The following SSBP2 variants were observed in gnomAD, a reference collection of about 807,000 sequenced individuals.
SSBP2 encodes the protein single-stranded DNA-binding protein 2.
SSBP2 carries 17 observed loss-of-function variants against 61.8 expected under a neutral mutation model. The ratio of observed to expected loss-of-function variants is 0.28; its 90% CI spans 0.19 to 0.41. The LOEUF (loss-of-function observed/expected upper bound fraction) is 0.41. Ranked by LOEUF, SSBP2 falls within the 10% of genes least tolerant of loss-of-function variation. The pLI, the probability that SSBP2 is intolerant of heterozygous loss-of-function variation, is 1.00. For missense variants in SSBP2, 310 were observed against 458.7 expected (o/e 0.68, Z 2.96); for synonymous variants, 139 against 141.3 (o/e 0.98, Z 0.12).
chr5:81,670,137 A>G (rs971801559), intron 1 of SSBP2, among the ~76,000 whole-genome samples: 7 of 152,186 alleles, frequency 4.6e-5, no homozygotes, highest in African/African-American at 1.7e-4. Flanking sequence ...CACCACCAAC[A>G]GAGAACCCTA....
intron 1 of SSBP2, among the ~76,000 whole-genome samples, chr5:81,659,670 A>G (rs1329825014): frequency 1.3e-5 from 2 of 152,196 alleles, no homozygotes; most frequent in Non-Finnish European, 2.9e-5. Flanking sequence ...ACTACTTTAA[A>G]TTTTATATGG....
chr5:81,503,803 A>G lies in SSBP2; in HGVS notation c.372+9825T>C, dbSNP rs532257658. 6.6e-5 allele frequency among the ~76,000 whole-genome samples: 10 copies of G among 152,338 alleles called. No individual in the cohort carries two copies. In the East Asian group the frequency reaches 1.9e-3, roughly 29 times the overall value. ...TACCATGAAATACTATGCAGCCATTAAAAAGAAAGAATGAGATCATGTCTT... is the reference window on the plus strand; with the variant it reads ...TACCATGAAATACTATGCAGCCATTGAAAAGAAAGAATGAGATCATGTCTT... On this transcript the variant is annotated intron_variant, in intron 5 of 16. Coordinates refer to ENST00000320672, the MANE Select transcript of SSBP2 (RefSeq NM_012446.5).
intron 4 of SSBP2, among the ~76,000 whole-genome samples, chr5:81,580,262 T>C (rs1323244506): frequency 6.6e-6 from 1 of 152,040 alleles, no homozygotes; most frequent in South Asian, 2.1e-4. Flanking sequence ...TTCAGAGATA[T>C]CAATCTAACT....
At chr5:81,722,513 T>C (rs1755605695) in intron 1 of SSBP2, among the ~76,000 whole-genome samples, 1 of 151,912 alleles carries the variant, frequency 6.6e-6, no homozygotes, top group African/African-American at 2.4e-5. Context: ...AGCATTCTTT[T>C]ACAAGAATGG....
At chr5:81,717,331 A>G (rs140936905) in intron 1 of SSBP2, among the ~76,000 whole-genome samples, 90 of 152,288 alleles carry the variant, frequency 5.9e-4, no homozygotes, top group African/African-American at 2.0e-3. Context: ...TCTATCCGTA[A>G]CATATTCTAT....
intron 4 of SSBP2, among the ~76,000 whole-genome samples, chr5:81,554,790 G>T (rs1378714349): frequency 2.0e-5 from 3 of 152,012 alleles, no homozygotes; most frequent in Admixed American, 2.0e-4. Context: ...AACTGATTTG[G>T]TCATTATAGA....
intron 1 of SSBP2, among the ~76,000 whole-genome samples, chr5:81,706,330 A>G (rs1180237670): frequency 1.3e-5 from 2 of 152,122 alleles, no homozygotes; most frequent in African/African-American, 4.8e-5. Context: ...GGGGTCTTCT[A>G]GAGGGGAGAG....
At chr5:81,699,359 T>C (rs1187006322) in intron 1 of SSBP2, among the ~76,000 whole-genome samples, 1 of 152,264 alleles carries the variant, frequency 6.6e-6, no homozygotes, top group African/African-American at 2.4e-5. Context: ...AGAACTTCTT[T>C]CAAAATTGGA....
At chr5:81,486,296 T>G (rs989128407) in intron 6 of SSBP2, among the ~76,000 whole-genome samples, 1 of 152,176 alleles carries the variant, frequency 6.6e-6, no homozygotes, top group African/African-American at 2.4e-5. Context: ...GGTTTACAAT[T>G]TTACATTCCC....
intron 3 of SSBP2, among the ~76,000 whole-genome samples, chr5:81,635,903 A>C (rs1748179454): frequency 6.6e-6 from 1 of 152,212 alleles, no homozygotes; most frequent in Non-Finnish European, 1.5e-5. Context: ...CTAGTTTGAC[A>C]ATCAGAGAGT....
At chr5:81,470,992 C>T (rs982979838) in intron 8 of SSBP2, among the ~76,000 whole-genome samples, 3 of 151,710 alleles carry the variant, frequency 2.0e-5, no homozygotes, top group African/African-American at 7.3e-5. Context: ...AAATATGACT[C>T]CTGCTTTCAT....
chr5:81,574,113 C>T (rs1774032202), intron 4 of SSBP2, among the ~76,000 whole-genome samples: 1 of 151,960 alleles, frequency 6.6e-6, no homozygotes, highest in Non-Finnish European at 1.5e-5. Context: ...TGCACTCCAG[C>T]CTGGGTGACA....
In SSBP2 at chr5:81,488,042, TATATATATATATATATAA is replaced by T. The variant is rs1328227271; in HGVS notation, c.432+1190_432+1207del. 6.1e-4 allele frequency among the ~76,000 whole-genome samples: 15 copies of T among 24,458 alleles called. 1 individual carries two copies. Among genetic ancestry groups the T allele is most frequent in the South Asian group, 5.6e-3 (8 of 1,420 alleles). The allele number at this position is 24,458 out of a possible 152,430, so 16.0% of individuals were successfully genotyped here. A position where few individuals can be genotyped will look rare whatever the true frequency, so the allele number is the denominator to read the frequency against. On this transcript the variant is annotated intron_variant, in intron 6 of 16. Coordinates refer to ENST00000320672, the MANE Select transcript of SSBP2 (RefSeq NM_012446.5). ...ATATATATATATATATATATATATA[TATATATATATATATATAA>T]ATAAAATATCATATATTATATATAT... is the stretch of plus-strand genomic sequence containing the variant.
intron 4 of SSBP2, among the ~76,000 whole-genome samples, chr5:81,556,567 C>T (rs747908482): frequency 6.6e-6 from 1 of 152,066 alleles, no homozygotes. Flanking sequence ...TCCTTCCATA[C>T]TGTGACAATG....
chr5:81,751,293 T>G, upstream of SSBP2: 2 of 484,422 alleles, frequency 4.1e-6, no homozygotes, highest in Non-Finnish European at 7.3e-6. Context: ...CCTCCCCGAC[T>G]CCCTCCCTCC....
chr5:81,475,071 T>C (rs1765497757), intron 6 of SSBP2, among the ~76,000 whole-genome samples: 1 of 152,106 alleles, frequency 6.6e-6, no homozygotes, highest in Non-Finnish European at 1.5e-5. Context: ...AATTAAGCAA[T>C]TTGCGTGTAC....
chr5:81,711,776 G>T (rs1372066528), intron 1 of SSBP2, among the ~76,000 whole-genome samples: 3 of 151,854 alleles, frequency 2.0e-5, no homozygotes, highest in African/African-American at 7.3e-5. Context: ...TTAACAGTGT[G>T]GGTTCTGGAG....
intron 8 of SSBP2, among the ~76,000 whole-genome samples, chr5:81,469,075 T>C (rs1199054338): frequency 6.6e-6 from 1 of 151,996 alleles, no homozygotes; most frequent in Non-Finnish European, 1.5e-5. Context: ...TTTTTGATCT[T>C]AGAAGATCTC....
Position 81,614,869 on chromosome 5 carries a change from CCTT to C in SSBP2, c.282+601_282+603del, listed in dbSNP as rs1317308581. On this transcript the variant is annotated intron_variant, in intron 4 of 16. Transcript: ENST00000320672. The stretch of plus-strand genomic sequence containing the variant: ...AGCTCTCTAAAATCAGATTTGCAGT[CCTT>C]CTAAAAAAAAATGCTCAAGCCAAGG... Among the ~76,000 whole-genome samples, 6 of 151,874 alleles carry C rather than the reference CCTT, an allele frequency of 4.0e-5. No individual in the cohort carries two copies. The South Asian group carries it at 1.0e-3, about 26-fold the overall frequency.
Sources: allele counts gnomAD v4.1 joint callset (sites outside exome capture counted in the v4.1 genomes callset), GRCh38; gene constraint gnomAD v4.1.1; transcripts MANE v1.5; gene names NCBI Gene and HGNC (gene_info 2026-07-23, HGNC 2026-07-21).